SLC25A26: variants seen among roughly 807,000 people sequenced by gnomAD.
The protein encoded by SLC25A26 is mitochondrial S-adenosylmethionine carrier protein.
In SLC25A26, 36 loss-of-function variants were observed where a neutral mutation model predicts 37.8. The ratio of observed to expected loss-of-function variants is 0.95; its 90% CI spans 0.73 to 1.26. The LOEUF is 1.26. Ranked by LOEUF, SLC25A26 falls within the 50% of genes most tolerant of loss-of-function variation. The pLI, the probability that SLC25A26 is intolerant of heterozygous loss-of-function variation, is 0.00. For missense variants in SLC25A26, 390 were observed against 331.1 expected (o/e 1.18, Z -1.38); for synonymous variants, 129 against 122.5 (o/e 1.05, Z -0.35).
At chr3:66,167,118 T>A (rs1296617511) in intron 1 of SLC25A26, among the ~76,000 whole-genome samples, 1 of 152,222 alleles carries the variant, frequency 6.6e-6, no homozygotes, top group Non-Finnish European at 1.5e-5. Flanking sequence ...TCCTTATAAA[T>A]TACTCAGGCT....
rs970330453 is a variant in SLC25A26 at position 66,221,813 on chromosome 3, A to G, written c.33+686A>G. On this transcript the variant is annotated intron_variant, in intron 1 of 9. Transcript: ENST00000354883. ...GATACTAGATACAGCAGTTAACAAA[A>G]CAGAGTTTGGCTGCCTACGTTTTCA... Among the ~76,000 whole-genome samples the G allele has an allele frequency of 2.0e-5, 3 of 150,796 alleles. No homozygotes were observed. In the Admixed American group the frequency reaches 2.0e-4, roughly 10 times the overall value.
intron 1 of SLC25A26, chr3:66,134,048 G>C (rs1340676090): frequency 1.3e-5 from 2 of 152,186 alleles, no homozygotes; most frequent in Non-Finnish European, 1.5e-5. Flanking sequence ...AGAAGGGCTA[G>C]AACATTAAAG....
chr3:66,295,408 T>G (rs1191254033), intron 5 of SLC25A26, among the ~76,000 whole-genome samples: 1 of 148,930 alleles, frequency 6.7e-6, no homozygotes, highest in Non-Finnish European at 1.5e-5. Flanking sequence ...TATTTTTGTT[T>G]TTTTTTTTTT....
At chr3:66,323,588 T>C (rs1349176662) in intron 5 of SLC25A26, among the ~76,000 whole-genome samples, 2 of 152,180 alleles carry the variant, frequency 1.3e-5, no homozygotes, top group Non-Finnish European at 2.9e-5. Flanking sequence ...GGCGGATTGG[T>C]TGAGCCTTAG....
chr3:66,189,832 A>T (rs996928937), intron 1 of SLC25A26, among the ~76,000 whole-genome samples: 1 of 149,150 alleles, frequency 6.7e-6, no homozygotes, highest in Admixed American at 6.7e-5. Flanking sequence ...TAGGTAATTA[A>T]TTTTTTTTTT....
chr3:66,151,603 T>C (rs1386499822), intron 1 of SLC25A26, among the ~76,000 whole-genome samples: 2 of 152,226 alleles, frequency 1.3e-5, no homozygotes, highest in East Asian at 3.8e-4. Context: ...TCTGTTCTTG[T>C]GGCAGCTCAC....
intron 5 of SLC25A26, among the ~76,000 whole-genome samples, chr3:66,296,969 G>A (rs2074922431): frequency 1.3e-5 from 2 of 152,224 alleles, no homozygotes; most frequent in Non-Finnish European, 2.9e-5. Flanking sequence ...CATGTGACAA[G>A]AGTCCAGATT....
At chr3:66,267,709 A>C (rs1280742044) in intron 5 of SLC25A26, among the ~76,000 whole-genome samples, 1 of 152,222 alleles carries the variant, frequency 6.6e-6, no homozygotes, top group Non-Finnish European at 1.5e-5. Flanking sequence ...TTTTGCTGTA[A>C]GCAGTCAACA....
chr3:66,285,771 A>T (rs570228010), intron 5 of SLC25A26, among the ~76,000 whole-genome samples: 2 of 151,934 alleles, frequency 1.3e-5, no homozygotes, highest in Non-Finnish European at 2.9e-5. Flanking sequence ...AAAACTTGTT[A>T]TATTTGAAGC....
At chr3:66,194,790 G>C (rs1417734940) in intron 1 of SLC25A26, among the ~76,000 whole-genome samples, 4 of 152,176 alleles carry the variant, frequency 2.6e-5, no homozygotes, top group Non-Finnish European at 4.4e-5. Flanking sequence ...TAGTAGAGAC[G>C]GGGTTTCTTC....
At chr3:66,258,978 T>C (rs1053471124) in intron 3 of SLC25A26, among the ~76,000 whole-genome samples, 6 of 152,156 alleles carry the variant, frequency 3.9e-5, no homozygotes, top group Non-Finnish European at 8.8e-5. Flanking sequence ...CATAGCTGCA[T>C]GGGCTAGTGG....
At chr3:66,218,314 T>A (rs1024324229), upstream of SLC25A26, among the ~76,000 whole-genome samples, 9 of 152,256 alleles carry the variant, frequency 5.9e-5, no homozygotes, top group Admixed American at 2.6e-4. Flanking sequence ...TAAAAGTATT[T>A]GTATAAATGT....
At chr3:66,342,766 T>A (rs1436145340) in intron 5 of SLC25A26, among the ~76,000 whole-genome samples, 1 of 152,230 alleles carries the variant, frequency 6.6e-6, no homozygotes, top group Non-Finnish European at 1.5e-5. Context: ...GAATTATTGC[T>A]CTGTTTATTA....
chr3:66,134,233 G>C (rs1217458400), intron 1 of SLC25A26, among the ~76,000 whole-genome samples: 1 of 152,210 alleles, frequency 6.6e-6, no homozygotes, highest in Non-Finnish European at 1.5e-5. Context: ...CATGGCCGCA[G>C]TAAATAATAA....
intron 5 of SLC25A26, among the ~76,000 whole-genome samples, chr3:66,332,116 T>G (rs1200261097): frequency 6.6e-6 from 1 of 151,928 alleles, no homozygotes; most frequent in Non-Finnish European, 1.5e-5. Flanking sequence ...TTTTGTATTT[T>G]TGGTAGAGAT....
chr3:66,269,205 G>A (rs1311332625), intron 5 of SLC25A26, among the ~76,000 whole-genome samples: 1 of 152,208 alleles, frequency 6.6e-6, no homozygotes, highest in Admixed American at 6.5e-5. Flanking sequence ...TAGCAGTATA[G>A]CCTGCTAGGA....
chr3:66,290,338 C>T (rs192864235), intron 5 of SLC25A26, among the ~76,000 whole-genome samples: 1 of 152,282 alleles, frequency 6.6e-6, no homozygotes, highest in African/African-American at 2.4e-5. Flanking sequence ...CTGGCCAGAA[C>T]TTCCAATACT....
chr3:66,312,144 T>G (rs1026854440), intron 5 of SLC25A26, among the ~76,000 whole-genome samples: 2 of 152,204 alleles, frequency 1.3e-5, no homozygotes, highest in Non-Finnish European at 2.9e-5. Flanking sequence ...GTTTTATCTA[T>G]AAGCACCTGA....
chr3:66,371,466 G>A, intron 9 of SLC25A26: 1 of 1,348,362 alleles, frequency 7.4e-7, no homozygotes, highest in Non-Finnish European at 9.6e-7. Context: ...ATCCTAGATT[G>A]AAATTTTCCA....
Sources: allele counts gnomAD v4.1 joint callset (sites outside exome capture counted in the v4.1 genomes callset), GRCh38; gene constraint gnomAD v4.1.1; transcripts MANE v1.5; gene names NCBI Gene and HGNC (gene_info 2026-07-23, HGNC 2026-07-21).